CHST9: variants seen among roughly 807,000 people sequenced by gnomAD.
CHST9 encodes carbohydrate sulfotransferase 9, also known as GalNAc-4-sulfotransferase 2.
Under a neutral mutation model 44.4 loss-of-function variants are expected in CHST9, and 41 were observed. That is an observed-to-expected ratio of 0.92 (90% CI 0.72 to 1.20). The LOEUF (loss-of-function observed/expected upper bound fraction) is 1.20, where lower values mean the gene tolerates loss of function less well. Among genes scored for constraint, CHST9 ranks in the 50% most tolerant of loss-of-function variants. The pLI, the probability that CHST9 is intolerant of heterozygous loss-of-function variation, is 0.00. For synonymous variants in CHST9, 171 were observed against 178.4 expected (o/e 0.96, Z 0.33); for missense variants, 504 against 516.5 (o/e 0.98, Z 0.23).
At chr18:26,992,315 A>G (rs1352375131) in intron 4 of CHST9, among the ~76,000 whole-genome samples, 2 of 145,678 alleles carry the variant, frequency 1.4e-5, no homozygotes, top group African/African-American at 4.9e-5. Flanking sequence ...AAGTTTGAGA[A>G]AAAGAAAAGT....
At chr18:27,009,154 A>C (rs1461257857) in intron 4 of CHST9, among the ~76,000 whole-genome samples, 1 of 152,266 alleles carries the variant, frequency 6.6e-6, no homozygotes, top group East Asian at 1.9e-4. Context: ...ACTCGGATTC[A>C]GTCATGGAAT....
At chr18:27,148,212 T>A (rs531700163) in intron 1 of CHST9, among the ~76,000 whole-genome samples, 1 of 152,176 alleles carries the variant, frequency 6.6e-6, no homozygotes, top group African/African-American at 2.4e-5. Flanking sequence ...TTTTTATGGC[T>A]GCATAGTATT....
At chr18:26,918,674 G>A (rs1335188647) in intron 5 of CHST9, among the ~76,000 whole-genome samples, 1 of 152,112 alleles carries the variant, frequency 6.6e-6, no homozygotes, top group South Asian at 2.1e-4. Flanking sequence ...AGGATAATTA[G>A]TAATTTTCTA....
chr18:26,934,324 T>C (rs1010123233), intron 5 of CHST9: 1 of 150,708 alleles, frequency 6.6e-6, no homozygotes, highest in Non-Finnish European at 1.5e-5. Flanking sequence ...AAGCTCCGCC[T>C]CCCGGGTTCA....
At chr18:26,941,657 C>A (rs2056084198) in intron 5 of CHST9, among the ~76,000 whole-genome samples, 1 of 152,064 alleles carries the variant, frequency 6.6e-6, no homozygotes, top group Non-Finnish European at 1.5e-5. Context: ...ATGGGTCATG[C>A]ATTCATCCCA....
intron 4 of CHST9, among the ~76,000 whole-genome samples, chr18:27,023,494 T>G (rs370526475): frequency 1.3e-5 from 2 of 152,234 alleles, no homozygotes; most frequent in African/African-American, 2.4e-5. Context: ...TAAGGGGATA[T>G]CTACTTCATG....
intron 1 of CHST9, among the ~76,000 whole-genome samples, chr18:27,148,423 A>G (rs1223328999): frequency 8.2e-5 from 8 of 97,240 alleles, no homozygotes; most frequent in Admixed American, 3.9e-4. Context: ...CCACCCCACA[A>G]CAGTCCCCCG....
intron 2 of CHST9, among the ~76,000 whole-genome samples, chr18:27,136,694 C>T (rs10853671): frequency 0.015 from 2,351 of 152,242 alleles, 64 homozygotes; most frequent in African/African-American, 0.053. Context: ...TAAACTATAA[C>T]GCTTCCATTC....
chr18:27,108,949 C>T (rs1282416988), intron 2 of CHST9, among the ~76,000 whole-genome samples: 1 of 152,134 alleles, frequency 6.6e-6, no homozygotes, highest in Non-Finnish European at 1.5e-5. Context: ...TTTATAATAA[C>T]TGTTATTCTA....
intron 4 of CHST9, among the ~76,000 whole-genome samples, chr18:27,023,047 GTCTGATTTTGTCTTTTTCCCTCACC>G (rs2057244342): frequency 6.6e-6 from 1 of 152,140 alleles, no homozygotes. Context: ...GGAGGGCATG[GTCTGATTTTGTCTTTTTCCCTCACC>G]TCAAATCTTT....
At chr18:27,164,765 T>A (rs538365391) in intron 1 of CHST9, among the ~76,000 whole-genome samples, 1 of 152,342 alleles carries the variant, frequency 6.6e-6, no homozygotes, top group African/African-American at 2.4e-5. Context: ...ATCAAAATTG[T>A]GTTAGACTTG....
chr18:27,166,895 GA>G (rs1378739039), intron 1 of CHST9, among the ~76,000 whole-genome samples: 2 of 152,204 alleles, frequency 1.3e-5, no homozygotes, highest in African/African-American at 4.8e-5. Context: ...TGCAGTCAGT[GA>G]TGAACATATG....
chr18:27,165,926 G>A (rs2058786476), intron 1 of CHST9, among the ~76,000 whole-genome samples: 1 of 152,112 alleles, frequency 6.6e-6, no homozygotes, highest in Admixed American at 6.5e-5. Flanking sequence ...TTTTTTAACG[G>A]CTACAAGTTC....
intron 1 of CHST9, among the ~76,000 whole-genome samples, chr18:27,179,096 C>A (rs57352889): frequency 1.4e-4 from 18 of 129,612 alleles, no homozygotes; most frequent in African/African-American, 5.2e-4. Context: ...CTCTCTCTCT[C>A]TCTCTCTCTA....
chr18:27,136,411 CCACTGCCTGGCCAGTG>C (rs144196302), intron 2 of CHST9, among the ~76,000 whole-genome samples: 1,714 of 152,232 alleles, frequency 0.011, 26 homozygotes, highest in African/African-American at 0.036. Context: ...CCCAGGCTGC[CCACTGCCTGGCCAGTG>C]CACTGTGTCT....
intron 2 of CHST9, among the ~76,000 whole-genome samples, chr18:27,111,751 T>C (rs1220861262): frequency 6.6e-6 from 1 of 152,198 alleles, no homozygotes; most frequent in Non-Finnish European, 1.5e-5. Context: ...GCACTTGTAT[T>C]GGCAGACGAC....
At chr18:27,166,853 G>A (rs907532079) in intron 1 of CHST9, among the ~76,000 whole-genome samples, 11 of 152,160 alleles carry the variant, frequency 7.2e-5, no homozygotes, top group Non-Finnish European at 1.3e-4. Context: ...ACGTGGCACA[G>A]GAGCCTTCAT....
intron 2 of CHST9, 100 bp downstream of exon 2, chr18:27,142,589 T>C: frequency 1.2e-6 from 1 of 842,866 alleles, no homozygotes; most frequent in South Asian, 3.8e-5. Context: ...TTGTTGAAAA[T>C]ATTGTGATTC....
chr18:27,089,413 TG>T (rs984104400), intron 2 of CHST9, among the ~76,000 whole-genome samples: 1 of 152,054 alleles, frequency 6.6e-6, no homozygotes, highest in Non-Finnish European at 1.5e-5. Flanking sequence ...TGTGATAGTT[TG>T]TGGAGAATGA....
Sources: allele counts gnomAD v4.1 joint callset (sites outside exome capture counted in the v4.1 genomes callset), GRCh38; gene constraint gnomAD v4.1.1; transcripts MANE v1.5; gene names NCBI Gene and HGNC (gene_info 2026-07-23, HGNC 2026-07-21).